IGF1: variants seen among roughly 807,000 people sequenced by gnomAD.
The protein encoded by IGF1 is insulin-like growth factor 1.
A neutral mutation model predicts 13.8 loss-of-function variants in IGF1; 4 were observed. The observed-to-expected ratio is 0.29, with a 90% CI of 0.14 to 0.66. The LOEUF is 0.66. Ranked by LOEUF, IGF1 falls within the 30% of genes least tolerant of loss-of-function variation. IGF1 has a pLI of 0.78. For missense variants in IGF1, 124 were observed against 188.5 expected (o/e 0.66, Z 2.00); for synonymous variants, 76 against 72.6 (o/e 1.05, Z -0.23).
At chr12:102,433,096 C>G (rs1231914550) in intron 2 of IGF1, among the ~76,000 whole-genome samples, 1 of 152,096 alleles carries the variant, frequency 6.6e-6, no homozygotes, top group Non-Finnish European at 1.5e-5. Flanking sequence ...GAACCTGGCT[C>G]CTCCCTAATC....
intron 2 of IGF1, among the ~76,000 whole-genome samples, chr12:102,442,215 C>T (rs1877927075): frequency 6.6e-6 from 1 of 151,894 alleles, no homozygotes; most frequent in African/African-American, 2.4e-5. Flanking sequence ...TCTCAAATTG[C>T]TGGAATTTCA....
At chr12:102,451,859 G>C (rs1047075698) in intron 2 of IGF1, among the ~76,000 whole-genome samples, 9 of 152,152 alleles carry the variant, frequency 5.9e-5, no homozygotes, top group Admixed American at 3.9e-4. Flanking sequence ...GAGCATGGGG[G>C]TGGTTTCCCC....
chr12:102,446,999 G>A (rs1206734836), intron 2 of IGF1, among the ~76,000 whole-genome samples: 1 of 152,036 alleles, frequency 6.6e-6, no homozygotes, highest in African/African-American at 2.4e-5. Flanking sequence ...ATTCATTCAG[G>A]AGCAGGTTGT....
intron 2 of IGF1, among the ~76,000 whole-genome samples, chr12:102,437,831 C>T (rs1253539160): frequency 2.6e-5 from 4 of 152,182 alleles, no homozygotes; most frequent in Non-Finnish European, 4.4e-5. Flanking sequence ...GCTAAATACC[C>T]TGTTAGACTT....
At chr12:102,472,282 A>T (rs1305206267) in intron 2 of IGF1, among the ~76,000 whole-genome samples, 1 of 152,128 alleles carries the variant, frequency 6.6e-6, no homozygotes, top group Non-Finnish European at 1.5e-5. Flanking sequence ...ACAAACAGAT[A>T]ATCTAGAAGG....
chr12:102,475,670 C>T lies in IGF1; in HGVS notation c.193G>A (p.Val65Met), dbSNP rs548821403. The change falls in exon 2 of 4, where the codon GTG becomes ATG. Residue 65 changes from valine to methionine, a missense_variant. Around this residue, in one of 2 missense-constraint regions of IGF1, gnomAD observed 99 missense variants for 171.4 expected, o/e 0.58. Coordinates refer to ENST00000337514, the MANE Select transcript of IGF1 (RefSeq NM_000618.5). Reference protein sequence around the residue: ...GAELVDALQFVCGDRGFYFNK... With the variant: ...GAELVDALQFMCGDRGFYFNK... The stretch of plus-strand genomic sequence containing the variant: ...AAATAAAAGCCCCTGTCTCCACACA[C>T]GAACTGAAGAGCATCCACCAGCTCA... 3.7e-6 allele frequency: 6 copies of T among 1,614,210 alleles called. No homozygotes were observed. Among genetic ancestry groups the T allele is most frequent in the Non-Finnish European group, 5.1e-6 (6 of 1,180,042 alleles).
In IGF1 at chr12:102,472,870, A is replaced by G. The variant is rs549184612; in HGVS notation, c.220+2773T>C. On this transcript the variant is annotated intron_variant, in intron 2 of 3. Coordinates refer to ENST00000337514, the MANE Select transcript of IGF1 (RefSeq NM_000618.5). ...GCAGCCTCTAAGTCATTGTTAGTATATATTTTTTCAGTTCAAAAAAAAATA... is the reference window on the plus strand; with the variant it reads ...GCAGCCTCTAAGTCATTGTTAGTATGTATTTTTTCAGTTCAAAAAAAAATA... 4.1e-5 allele frequency among the ~76,000 whole-genome samples: 6 copies of G among 145,888 alleles called. No homozygotes were observed. The South Asian group carries it at 1.3e-3, about 32-fold the overall frequency.
chr12:102,427,446 C>G (rs891134638), intron 2 of IGF1, among the ~76,000 whole-genome samples: 1 of 152,184 alleles, frequency 6.6e-6, no homozygotes, highest in South Asian at 2.1e-4. Flanking sequence ...AACACATTCT[C>G]TTTATTTTTA....
In IGF1 at chr12:102,458,730, C is replaced by CAA. The variant is rs397825972; in HGVS notation, c.220+16911_220+16912dup. On this transcript the variant is annotated intron_variant, in intron 2 of 3. Coordinates refer to ENST00000337514, the MANE Select transcript of IGF1 (RefSeq NM_000618.5). ...TTAAGCAGATGGTAGGAACACTGAC[C>CAA]AAAAAAAAAAAAAAAAACCAAAAAC... Among the ~76,000 whole-genome samples the CAA allele has an allele frequency of 1.5e-4, 11 of 73,424 alleles. No individual in the cohort carries two copies. The East Asian group carries it at 2.0e-3, about 14-fold the overall frequency. The allele number at this position is 73,424 out of a possible 152,430, so 48.2% of individuals were successfully genotyped here.
Position 102,400,557 on chromosome 12 carries a change from A to T in IGF1, c.*1950T>A, listed in dbSNP as rs1301670379. ...GTCAAGCATATTTTAACAAACTTTTAAAAAAATGTATATACAGCTAAGAAT... is the reference window on the plus strand; with the variant it reads ...GTCAAGCATATTTTAACAAACTTTTTAAAAAATGTATATACAGCTAAGAAT... On this transcript the variant is annotated 3_prime_UTR_variant, in exon 4 of 4. Coordinates refer to ENST00000337514, the MANE Select transcript of IGF1 (RefSeq NM_000618.5). The T allele has an allele frequency of 6.6e-6, 1 of 152,190 alleles. No individual in the cohort carries two copies. 9.4% of individuals were successfully genotyped at this position (152,190 alleles called of 1,614,324 possible). A position where few individuals can be genotyped will look rare whatever the true frequency, so the allele number is the denominator to read the frequency against.
At chr12:102,471,360 G>C (rs760216533) in intron 2 of IGF1, among the ~76,000 whole-genome samples, 8 of 152,152 alleles carry the variant, frequency 5.3e-5, no homozygotes, top group Non-Finnish European at 8.8e-5. Context: ...AGGACGTTTA[G>C]ACCCAGGAAG....
intron 2 of IGF1, among the ~76,000 whole-genome samples, chr12:102,449,735 C>A (rs1878749308): frequency 6.7e-6 from 1 of 149,048 alleles, no homozygotes; most frequent in South Asian, 2.1e-4. Flanking sequence ...AATCCTAACC[C>A]CTTCTCTGTG....
intron 2 of IGF1, among the ~76,000 whole-genome samples, chr12:102,457,930 C>T (rs986486604): frequency 5.3e-5 from 8 of 152,128 alleles, no homozygotes; most frequent in Admixed American, 2.6e-4. Context: ...TCAGCTTCCC[C>T]TTGGTTTCTA....
intron 2 of IGF1, among the ~76,000 whole-genome samples, chr12:102,457,512 C>G (rs1879518823): frequency 6.6e-6 from 1 of 152,178 alleles, no homozygotes; most frequent in Non-Finnish European, 1.5e-5. Context: ...CCCAGTATTT[C>G]TGGCCTCTCT....
At chr12:102,472,329 G>C (rs1467393402) in intron 2 of IGF1, among the ~76,000 whole-genome samples, 1 of 152,008 alleles carries the variant, frequency 6.6e-6, no homozygotes, top group Non-Finnish European at 1.5e-5. Context: ...TGGGCTTGAA[G>C]GGGAATATGA....
At position 102,478,362 on chromosome 12, in the gene IGF1, C is replaced by T. The variant is rs1213379722; in HGVS notation, c.63+1957G>A. On this transcript the variant is annotated intron_variant, in intron 1 of 3. Coordinates refer to ENST00000337514, the MANE Select transcript of IGF1 (RefSeq NM_000618.5). The stretch of plus-strand genomic sequence containing the variant: ...CTTTCTCAAAAATCATTCACAAACC[C>T]AAATTTTAAAAGTTCTTTTTTTTTT... The T allele has an allele frequency of 4.8e-6, 3 of 619,204 alleles. No individual in the cohort carries two copies. In the African/African-American group the frequency reaches 7.1e-5, roughly 15 times the overall value. The allele number at this position is 619,204 out of a possible 1,614,324, so 38.4% of individuals were successfully genotyped here.
intron 2 of IGF1, among the ~76,000 whole-genome samples, chr12:102,434,163 T>C (rs889361183): frequency 7.9e-5 from 12 of 151,492 alleles, no homozygotes; most frequent in African/African-American, 2.7e-4. Context: ...TTTTTTTTTA[T>C]TATACTTTAA....
At chr12:102,433,137 A>C (rs565894179) in intron 2 of IGF1, among the ~76,000 whole-genome samples, 1 of 152,134 alleles carries the variant, frequency 6.6e-6, no homozygotes, top group African/African-American at 2.4e-5. Flanking sequence ...TTGGGTCATG[A>C]TATCCCTGAC....
intron 1 of IGF1, among the ~76,000 whole-genome samples, chr12:102,476,650 T>C (rs1881068471): frequency 6.6e-6 from 1 of 152,200 alleles, no homozygotes; most frequent in Non-Finnish European, 1.5e-5. Context: ...GGGCTCAAAC[T>C]GGCAAAAATC....
Sources: allele counts gnomAD v4.1 joint callset (sites outside exome capture counted in the v4.1 genomes callset), GRCh38; gene constraint gnomAD v4.1.1; regional missense constraint gnomAD v4.1.1; transcripts MANE v1.5; gene names NCBI Gene and HGNC (gene_info 2026-07-23, HGNC 2026-07-21).